Variants in NRXN3 observed in about 807,000 individuals in gnomAD.
NRXN3 encodes the protein neurexin III.
NRXN3 carries 32 observed loss-of-function variants against 137.6 expected under a neutral mutation model. The observed-to-expected ratio is 0.23, with a 90% confidence interval of 0.18 to 0.31. The LOEUF (loss-of-function observed/expected upper bound fraction) is 0.31. Ranked by LOEUF, NRXN3 falls within the 10% of genes least tolerant of loss-of-function variation. The probability of loss-of-function intolerance (pLI) is 1.00; values close to 1 mark genes in which losing one functional copy is unlikely to be tolerated. For synonymous variants in NRXN3, 798 were observed against 784.5 expected, an observed-to-expected ratio of 1.02 and a Z score of -0.29; for missense variants, 1,574 against 2,062.5, an observed-to-expected ratio of 0.76 and a Z score of 4.59.
chr14:79,274,815 T>C (rs556481605), intron 15 of NRXN3, among the ~76,000 whole-genome samples: 1 of 152,234 alleles, frequency 6.6e-6, no homozygotes, highest in African/African-American at 2.4e-5. Context: ...ACATCCAAAC[T>C]CCTGATATCC....
At chr14:78,467,919 T>TTTG (rs3036567) in intron 4 of NRXN3, among the ~76,000 whole-genome samples, 144,259 of 150,736 alleles carry the variant, frequency 0.96, 69,340 homozygotes, top group Non-Finnish European at 1. Context: ...TTATTATTGT[T>TTTG]TTGTTGTTGT....
In NRXN3 at chr14:79,390,290, C is replaced by T. The variant is rs146569800; in HGVS notation, c.3263-76931C>T. Among the ~76,000 whole-genome samples the T allele has an allele frequency of 9.7e-3, 1,427 of 147,320 alleles. 17 individuals carry two copies. Among genetic ancestry groups the T allele is most frequent in the African/African-American group, 0.035 (1,378 of 39,830 alleles). ...AGAGATCGCGCCACTGCACTCCAGC[C>T]TGGGCAGCAGAGCGAGACTCTGTCT... On this transcript the variant is annotated intron_variant, in intron 15 of 20. Transcript: ENST00000335750.
intron 16 of NRXN3, among the ~76,000 whole-genome samples, chr14:79,482,850 C>T (rs780322447): frequency 5.3e-5 from 8 of 152,164 alleles, no homozygotes; most frequent in Non-Finnish European, 1.0e-4. Flanking sequence ...CCTTCCTACC[C>T]CCAGTTATTT....
chr14:78,608,539 C>G (rs1311368183), intron 4 of NRXN3, among the ~76,000 whole-genome samples: 2 of 152,204 alleles, frequency 1.3e-5, no homozygotes, highest in African/African-American at 4.8e-5. Context: ...AATCCTGGTA[C>G]AGGGTGTAGT....
At chr14:79,072,175 A>G (rs555040057) in intron 15 of NRXN3, 2 of 152,308 alleles carry the variant, frequency 1.3e-5, no homozygotes, top group East Asian at 1.9e-4. Flanking sequence ...TTCAAGACCA[A>G]TGCAGATACC....
At chr14:78,538,861 A>G (rs1052623984) in intron 4 of NRXN3, among the ~76,000 whole-genome samples, 1 of 152,158 alleles carries the variant, frequency 6.6e-6, no homozygotes, top group Admixed American at 6.5e-5. Context: ...TTCTGCATCT[A>G]TTGAGATAAT....
At chr14:78,447,579 C>A (rs1186711788) in intron 4 of NRXN3, among the ~76,000 whole-genome samples, 1 of 152,236 alleles carries the variant, frequency 6.6e-6, no homozygotes, top group African/African-American at 2.4e-5. Flanking sequence ...CATAAAATCT[C>A]ATCACCACTC....
chr14:79,742,364 C>G (rs2098965983), intron 19 of NRXN3, among the ~76,000 whole-genome samples: 1 of 152,048 alleles, frequency 6.6e-6, no homozygotes, highest in African/African-American at 2.4e-5. Flanking sequence ...CATAATTTAC[C>G]ATAATGATAA....
At chr14:79,706,938 A>G in intron 19 of NRXN3, among the ~76,000 whole-genome samples, 1 of 152,112 alleles carries the variant, frequency 6.6e-6, no homozygotes, top group East Asian at 2.0e-4. Flanking sequence ...TCCACTCTTT[A>G]TGCACTCTTA....
intron 16 of NRXN3, among the ~76,000 whole-genome samples, chr14:79,654,306 CTTAAA>C (rs1215878842): frequency 6.6e-6 from 1 of 151,272 alleles, no homozygotes; most frequent in Non-Finnish European, 1.5e-5. Flanking sequence ...CATAGGTGAC[CTTAAA>C]TTAAACTTAA....
At chr14:79,813,283 G>A (rs527795300) in intron 20 of NRXN3, among the ~76,000 whole-genome samples, 2 of 152,138 alleles carry the variant, frequency 1.3e-5, no homozygotes, top group South Asian at 4.2e-4. Context: ...ATCCTTGGGA[G>A]GGGTGGAAAG....
At chr14:79,390,596 G>A (rs948305250) in intron 15 of NRXN3, among the ~76,000 whole-genome samples, 1 of 152,140 alleles carries the variant, frequency 6.6e-6, no homozygotes, top group African/African-American at 2.4e-5. Context: ...AGCCTTATAA[G>A]AAACTGTCCT....
At chr14:78,679,939 A>T in intron 6 of NRXN3, among the ~76,000 whole-genome samples, 1 of 152,182 alleles carries the variant, frequency 6.6e-6, no homozygotes, top group Non-Finnish European at 1.5e-5. Context: ...CTACAGCCAA[A>T]TAGAAGGATT....
chr14:79,587,274 TGTAA>T (rs1329406017), intron 16 of NRXN3, among the ~76,000 whole-genome samples: 1 of 152,256 alleles, frequency 6.6e-6, no homozygotes, highest in Non-Finnish European at 1.5e-5. Flanking sequence ...TAAACCGTTT[TGTAA>T]GATAATTTTG....
intron 15 of NRXN3, among the ~76,000 whole-genome samples, chr14:79,235,397 C>T (rs1256848826): frequency 6.6e-6 from 1 of 152,146 alleles, no homozygotes; most frequent in Non-Finnish European, 1.5e-5. Flanking sequence ...CTATTACTTC[C>T]CTCCACCAGA....
intron 4 of NRXN3, among the ~76,000 whole-genome samples, chr14:78,600,953 C>T (rs1166365493): frequency 6.6e-6 from 1 of 152,180 alleles, no homozygotes; most frequent in African/African-American, 2.4e-5. Flanking sequence ...TACCACGAAT[C>T]TGTCACCAGA....
intron 15 of NRXN3, among the ~76,000 whole-genome samples, chr14:79,230,204 G>A (rs1201510881): frequency 2.0e-5 from 3 of 152,114 alleles, no homozygotes; most frequent in Admixed American, 1.3e-4. Context: ...GGAACTTAGG[G>A]TAGATTTCTT....
chr14:79,592,649 TA>T (rs2097818033), intron 16 of NRXN3, among the ~76,000 whole-genome samples: 1 of 152,178 alleles, frequency 6.6e-6, no homozygotes, highest in Non-Finnish European at 1.5e-5. Context: ...ATATTCTTTG[TA>T]GATCACTTAC....
chr14:79,262,460 G>A (rs2077763449), intron 15 of NRXN3, among the ~76,000 whole-genome samples: 1 of 150,016 alleles, frequency 6.7e-6, no homozygotes, highest in South Asian at 2.2e-4. Flanking sequence ...GAGGAGGAAG[G>A]AGGAAGGAGA....
Sources: allele counts gnomAD v4.1 joint callset (sites outside exome capture counted in the v4.1 genomes callset), GRCh38; gene constraint gnomAD v4.1.1; transcripts MANE v1.5; gene names NCBI Gene and HGNC (gene_info 2026-07-23, HGNC 2026-07-21).